The following FYB1 variants were observed in gnomAD, a reference collection of about 807,000 sequenced individuals.
The protein encoded by FYB1 is FYN-binding protein 1.
FYB1 carries 41 observed loss-of-function variants against 94.1 expected under a neutral mutation model. The ratio of observed to expected loss-of-function variants is 0.44; its 90% confidence interval spans 0.34 to 0.57. The LOEUF (loss-of-function observed/expected upper bound fraction) is 0.57. Among genes scored for constraint, FYB1 ranks in the 20% least tolerant of loss-of-function variants. The probability of loss-of-function intolerance (pLI) is 0.02; values close to 1 mark genes in which losing one functional copy is unlikely to be tolerated. For synonymous variants in FYB1, 367 were observed against 353.2 expected, an observed-to-expected ratio of 1.04 and a Z score of -0.44; for missense variants, 1,050 against 976.8, an observed-to-expected ratio of 1.07 and a Z score of -1.00.
In FYB1 at chr5:39,245,261, C is replaced by A. The variant is rs982533063; in HGVS notation, c.-28+29142G>T. Among the ~76,000 whole-genome samples the A allele has an allele frequency of 2.0e-5, 3 of 152,164 alleles. 1 individual carries two copies. ...CCTAATGCAAAATGAGATATAGGGTCAAAATACCTATAAATCTCTGGACTT... is the reference window on the plus strand; with the variant it reads ...CCTAATGCAAAATGAGATATAGGGTAAAAATACCTATAAATCTCTGGACTT... On this transcript the variant is annotated intron_variant, in intron 1 of 1. Transcript: ENST00000510188.
chr5:39,107,367 C>CATGCCAATAACATG lies in FYB1; in HGVS notation c.*75_*76insCATGTTATTGGCAT. 1 of 1,005,912 alleles carries CATGCCAATAACATG rather than the reference C, an allele frequency of 9.9e-7. No homozygotes were observed. The highest frequency in any genetic ancestry group is 1.4e-6 in the Non-Finnish European group (1 of 698,208). 62.3% of individuals were successfully genotyped at this position (1,005,912 alleles called of 1,614,324 possible). A position where few individuals can be genotyped will look rare whatever the true frequency, so the allele number is the denominator to read the frequency against. ...GTTTTGTGCATTAATTTTCTTGATA[C>CATGCCAATAACATG]CCAATAACATGCCAATTAAAATCCA... On this transcript the variant is annotated 3_prime_UTR_variant, in exon 19 of 19. Coordinates refer to ENST00000512982, the MANE Select transcript of FYB1 (RefSeq NM_001465.6).
At chr5:39,253,015 T>C (rs2150615749) in intron 1 of FYB1, among the ~76,000 whole-genome samples, 1 of 152,336 alleles carries the variant, frequency 6.6e-6, no homozygotes, top group South Asian at 2.1e-4. Context: ...AAAAGTGATT[T>C]GAACCTTGAT....
At chr5:39,242,622 T>C (rs971704647) in intron 1 of FYB1, among the ~76,000 whole-genome samples, 8 of 152,070 alleles carry the variant, frequency 5.3e-5, no homozygotes, top group African/African-American at 9.7e-5. Context: ...GTCTTTATAG[T>C]AGCATGATTT....
rs1740633653 is a variant in FYB1, at chr5:39,126,057, T to C, written c.1986A>G (p.Arg662=). The change falls in exon 12 of 19, where the codon AGA becomes AGG. Residue 662 remains arginine (R), a synonymous_variant. Transcript: ENST00000512982. ...TAGGTTTCTCTCGTATACTTTTCTT[T>C]CTGTCATCTTTTCCCTTTAACATCT... is the stretch of plus-strand genomic sequence containing the variant. ...ILKMLKGKDD[R]KKSIREKPKV... 1 of 1,613,442 alleles carries C rather than the reference T, an allele frequency of 6.2e-7. No homozygotes were observed. Among genetic ancestry groups the C allele is most frequent in the Non-Finnish European group, 8.5e-7 (1 of 1,179,664 alleles).
At chr5:39,262,552 G>T (rs930873384) in intron 1 of FYB1, among the ~76,000 whole-genome samples, 2 of 152,174 alleles carry the variant, frequency 1.3e-5, no homozygotes, top group African/African-American at 4.8e-5. Flanking sequence ...CTGATGGGAG[G>T]TAAATCATTA....
chr5:39,197,021 C>T (rs1290435689), intron 2 of FYB1, among the ~76,000 whole-genome samples: 4 of 152,028 alleles, frequency 2.6e-5, no homozygotes, highest in African/African-American at 9.7e-5. Flanking sequence ...GAGGGTATAT[C>T]TGGGGAAGAG....
intron 2 of FYB1, among the ~76,000 whole-genome samples, chr5:39,155,412 A>G (rs1743657698): frequency 6.6e-6 from 1 of 152,230 alleles, no homozygotes; most frequent in South Asian, 2.1e-4. Context: ...TAGGGGATAG[A>G]GGTAGACAGA....
At chr5:39,195,090 A>C (rs1171662688) in intron 2 of FYB1, among the ~76,000 whole-genome samples, 2 of 152,190 alleles carry the variant, frequency 1.3e-5, no homozygotes, top group African/African-American at 2.4e-5. Context: ...CTTTGCCTCC[A>C]GTGATTCAGT....
At chr5:39,178,151 A>G (rs911441554) in intron 2 of FYB1, among the ~76,000 whole-genome samples, 1 of 152,222 alleles carries the variant, frequency 6.6e-6, no homozygotes, top group Admixed American at 6.5e-5. Flanking sequence ...GTCAAATATG[A>G]TTTGGAAATT....
intron 3 of FYB1, among the ~76,000 whole-genome samples, chr5:39,147,151 T>G (rs1742728711): frequency 6.6e-6 from 1 of 152,224 alleles, no homozygotes; most frequent in African/African-American, 2.4e-5. Context: ...TTTGTTTTTA[T>G]GCTATAGCAT....
chr5:39,267,559 T>C (rs1752486556), intron 1 of FYB1, among the ~76,000 whole-genome samples: 1 of 152,224 alleles, frequency 6.6e-6, no homozygotes, highest in South Asian at 2.1e-4. Context: ...TTTTTTCCTT[T>C]CTTTAATATG....
At chr5:39,225,481 T>C (rs1479120387) in intron 1 of FYB1, among the ~76,000 whole-genome samples, 1 of 152,246 alleles carries the variant, frequency 6.6e-6, no homozygotes, top group African/African-American at 2.4e-5. Context: ...TCTTTGTCTT[T>C]TTTCTTAGTG....
intron 13 of FYB1, 92 bp downstream of exon 13, chr5:39,124,161 G>T: frequency 1.2e-6 from 1 of 858,402 alleles, no homozygotes; most frequent in Non-Finnish European, 1.8e-6. Context: ...TCAGAGTCAA[G>T]ACTTTAATGC....
chr5:39,187,199 CT>C (rs1414192088), intron 2 of FYB1, among the ~76,000 whole-genome samples: 1 of 152,144 alleles, frequency 6.6e-6, no homozygotes, highest in African/African-American at 2.4e-5. Flanking sequence ...CTGTGACACG[CT>C]TGAAAAAAAT....
At chr5:39,169,428 A>G in intron 2 of FYB1, 1 of 743,550 alleles carries the variant, frequency 1.3e-6, no homozygotes, top group Non-Finnish European at 2.5e-6. Context: ...GCCATTAAAA[A>G]GAACAGGAAC....
At chr5:39,231,147 CAAAAAAAA>C (rs747268330) in intron 1 of FYB1, among the ~76,000 whole-genome samples, 3 of 40,940 alleles carry the variant, frequency 7.3e-5, no homozygotes, top group Non-Finnish European at 1.7e-4. Context: ...CAGCTCAGAG[CAAAAAAAA>C]AAAAAACAAA....
rs774839636 is a variant in FYB1 at position 39,130,625 on chromosome 5, C to T, written c.1818-13G>A. On this transcript the variant is annotated splice_polypyrimidine_tract_variant and intron_variant, in intron 9 of 18. Transcript: ENST00000512982. ...ACTCTGACTGTGGCTAGAAAAGAAA[C>T]CCAGAAATATTAAGTTAATCTATGA... 8 of 1,564,638 alleles carry T rather than the reference C, an allele frequency of 5.1e-6. No individual in the cohort carries two copies. The highest frequency in any genetic ancestry group is 4.7e-5 in the South Asian group (4 of 85,314).
chr5:39,265,560 G>C (rs892971801), intron 1 of FYB1, among the ~76,000 whole-genome samples: 1 of 152,034 alleles, frequency 6.6e-6, no homozygotes, highest in African/African-American at 2.4e-5. Context: ...AGGAGGCTGA[G>C]GCAGGAGTAT....
At chr5:39,180,209 T>G (rs11949768) in intron 2 of FYB1, among the ~76,000 whole-genome samples, 4,306 of 152,280 alleles carry the variant, frequency 0.028, 211 homozygotes, top group African/African-American at 0.098. Context: ...CAGAATAATA[T>G]TTCTATAATT....
Sources: gnomAD v4.1 joint callset for allele counts (sites outside exome capture counted in the v4.1 genomes callset) on GRCh38, gnomAD v4.1.1 for gene constraint, MANE v1.5 for transcripts, NCBI Gene and HGNC (gene_info 2026-07-23, HGNC 2026-07-21) for gene names.